WASF2: variants seen among roughly 807,000 people sequenced by gnomAD.
WASF2 encodes WASP family member 2.
A neutral mutation model predicts 45.0 loss-of-function variants in WASF2; 14 were observed. That is an observed-to-expected ratio of 0.31 (90% confidence interval 0.21 to 0.49). WASF2 has a LOEUF of 0.49. Among genes scored for constraint, WASF2 ranks in the 20% least tolerant of loss-of-function variants. The pLI, the probability that WASF2 is intolerant of heterozygous loss-of-function variation, is 0.99. For synonymous variants in WASF2, 200 were observed against 236.3 expected, an observed-to-expected ratio of 0.85 and a Z score of 1.41; for missense variants, 439 against 636.1, an observed-to-expected ratio of 0.69 and a Z score of 3.33.
intron 1 of WASF2, chr1:27,457,272 T>C (rs2017482149): frequency 1.3e-5 from 2 of 152,156 alleles, no homozygotes; most frequent in South Asian, 4.1e-4. Context: ...ACTGGCACAG[T>C]ATTTATTAAA....
intron 1 of WASF2, among the ~76,000 whole-genome samples, chr1:27,477,066 T>C (rs963160448): frequency 4.6e-5 from 7 of 152,164 alleles, no homozygotes; most frequent in Non-Finnish European, 4.4e-5. Flanking sequence ...ATGAAAGCTT[T>C]GGAAACACAG....
chr1:27,430,962 C>T (rs991330969), intron 1 of WASF2, among the ~76,000 whole-genome samples: 3 of 152,126 alleles, frequency 2.0e-5, no homozygotes, highest in African/African-American at 7.2e-5. Flanking sequence ...AAAAATCTTT[C>T]AGGCTCAAAG....
At chr1:27,487,572 AATATATATTAT>A (rs2017953924) in intron 1 of WASF2, among the ~76,000 whole-genome samples, 1 of 99,572 alleles carries the variant, frequency 1.0e-5, no homozygotes, top group South Asian at 2.4e-4. Context: ...TACAATATAT[AATATATATTAT>A]ATATATTTTA....
intron 1 of WASF2, among the ~76,000 whole-genome samples, chr1:27,435,135 T>C (rs1404893545): frequency 1.3e-5 from 2 of 152,084 alleles, no homozygotes; most frequent in African/African-American, 4.8e-5. Flanking sequence ...TTAGTAGAGA[T>C]GGGGTTTCTC....
chr1:27,484,595 C>A (rs948876154), intron 1 of WASF2, among the ~76,000 whole-genome samples: 1 of 151,644 alleles, frequency 6.6e-6, no homozygotes, highest in African/African-American at 2.4e-5. Flanking sequence ...ATCATGAGGT[C>A]AGGAAATCAA....
intron 1 of WASF2, among the ~76,000 whole-genome samples, chr1:27,488,141 C>T (rs897993818): frequency 2.0e-5 from 3 of 152,052 alleles, no homozygotes; most frequent in Non-Finnish European, 2.9e-5. Context: ...TGCTAAGAAA[C>T]GCCCTCTTTC....
rs553841460 is a variant in WASF2, at chr1:27,406,149, G to A, written c.*2040C>T. 6.5e-6 allele frequency: 1 copy of A among 152,834 alleles called. No homozygotes were observed. Among genetic ancestry groups the A allele is most frequent in the African/African-American group, 2.4e-5 (1 of 41,564 alleles). 9.5% of individuals were successfully genotyped at this position (152,834 alleles called of 1,614,324 possible). A position where few individuals can be genotyped will look rare whatever the true frequency, so the allele number is the denominator to read the frequency against. ...CTGCCTGCCTCTCCAACTACTGCTG[G>A]GCTGCGGCCCAGGCGCCTTCAACGA... On this transcript the variant is annotated 3_prime_UTR_variant, in exon 9 of 9. Transcript: ENST00000618852.
intron 1 of WASF2, among the ~76,000 whole-genome samples, chr1:27,489,107 T>C (rs144604622): frequency 8.6e-4 from 131 of 152,010 alleles, no homozygotes; most frequent in Middle Eastern, 6.8e-3. Context: ...ATATTAAAAC[T>C]TTCCCTCTCA....
intron 1 of WASF2, among the ~76,000 whole-genome samples, chr1:27,462,257 T>G (rs969382967): frequency 1.2e-4 from 19 of 152,114 alleles, no homozygotes; most frequent in African/African-American, 4.3e-4. Flanking sequence ...ATTACAGGTG[T>G]GAGCCACCGT....
At chr1:27,425,202 C>T (rs2016961878) in intron 2 of WASF2, among the ~76,000 whole-genome samples, 5 of 152,336 alleles carry the variant, frequency 3.3e-5, no homozygotes, top group Admixed American at 3.3e-4. Context: ...GATCCTCCAA[C>T]CTTATCCTCC....
intron 1 of WASF2, among the ~76,000 whole-genome samples, chr1:27,451,740 G>T (rs2017385672): frequency 6.6e-6 from 1 of 152,086 alleles, no homozygotes. Context: ...TGCTATACTG[G>T]GTTTGAAAGA....
chr1:27,483,755 A>G (rs2017885853), intron 1 of WASF2, among the ~76,000 whole-genome samples: 1 of 151,708 alleles, frequency 6.6e-6, no homozygotes, highest in Non-Finnish European at 1.5e-5. Context: ...TCAGTTTAAG[A>G]CCAGCCTGGG....
intron 1 of WASF2, among the ~76,000 whole-genome samples, chr1:27,449,302 T>C (rs1336031094): frequency 6.6e-6 from 1 of 152,072 alleles, no homozygotes; most frequent in Non-Finnish European, 1.5e-5. Flanking sequence ...GAATGGTCAA[T>C]AAATGTTTAT....
intron 1 of WASF2, among the ~76,000 whole-genome samples, chr1:27,461,248 T>A (rs1169597158): frequency 6.6e-6 from 1 of 152,174 alleles, no homozygotes; most frequent in African/African-American, 2.4e-5. Flanking sequence ...AATTCTCATA[T>A]ACCCTTCACT....
chr1:27,425,964 C>T (rs926520276), intron 2 of WASF2, among the ~76,000 whole-genome samples: 4 of 151,830 alleles, frequency 2.6e-5, no homozygotes, highest in East Asian at 1.9e-4. Flanking sequence ...GGGAGGGACC[C>T]GAGATCTCGC....
chr1:27,456,733 CTTTTTTT>C (rs568890517), intron 1 of WASF2, among the ~76,000 whole-genome samples: 1 of 132,172 alleles, frequency 7.6e-6, no homozygotes, highest in Non-Finnish European at 1.6e-5. Flanking sequence ...AAGGTTTTCT[CTTTTTTT>C]TTTTTTTTTT....
chr1:27,481,576 G>C (rs979148867), intron 1 of WASF2, among the ~76,000 whole-genome samples: 1 of 151,830 alleles, frequency 6.6e-6, no homozygotes, highest in African/African-American at 2.4e-5. Flanking sequence ...GTGGGCGCCT[G>C]TAATCGCAGC....
chr1:27,433,085 A>G (rs1159929778), intron 1 of WASF2, among the ~76,000 whole-genome samples: 1 of 152,202 alleles, frequency 6.6e-6, no homozygotes, highest in Non-Finnish European at 1.5e-5. Flanking sequence ...AATATTTAAA[A>G]ATACTTTTAA....
chr1:27,427,172 T>C (rs1228269957), intron 2 of WASF2, among the ~76,000 whole-genome samples: 1 of 152,150 alleles, frequency 6.6e-6, no homozygotes. Context: ...GCCCCCACAA[T>C]GTAAGAAAAT....
Sources: allele counts gnomAD v4.1 joint callset (sites outside exome capture counted in the v4.1 genomes callset), GRCh38; gene constraint gnomAD v4.1.1; transcripts MANE v1.5; gene names NCBI Gene and HGNC (gene_info 2026-07-23, HGNC 2026-07-21).